The following TBC1D22A variants were observed in gnomAD, a reference collection of about 807,000 sequenced individuals.
TBC1D22A encodes the protein putative GTPase activator.
A neutral mutation model predicts 60.2 loss-of-function variants in TBC1D22A; 38 were observed. The ratio of observed to expected loss-of-function variants is 0.63; its 90% CI spans 0.49 to 0.83. The LOEUF is 0.83. Ranked by LOEUF, TBC1D22A falls within the 40% of genes least tolerant of loss-of-function variation. TBC1D22A has a pLI of 0.00. For missense variants in TBC1D22A, 628 were observed against 701.0 expected, an observed-to-expected ratio of 0.90 and a Z score of 1.18; for synonymous variants, 302 against 281.7, an observed-to-expected ratio of 1.07 and a Z score of -0.72.
intron 9 of TBC1D22A, among the ~76,000 whole-genome samples, chr22:46,991,705 C>T (rs560280828): frequency 6.6e-6 from 1 of 152,312 alleles, no homozygotes; most frequent in South Asian, 2.1e-4. Context: ...CAGTGGCCTC[C>T]ATTTGCATTT....
intron 9 of TBC1D22A, among the ~76,000 whole-genome samples, chr22:46,982,094 T>G (rs1352551270): frequency 6.6e-6 from 1 of 152,130 alleles, no homozygotes; most frequent in Non-Finnish European, 1.5e-5. Context: ...GGCTGGAGCT[T>G]GAGGCTGGGA....
At chr22:47,118,481 G>A (rs2066150859) in intron 12 of TBC1D22A, among the ~76,000 whole-genome samples, 1 of 152,224 alleles carries the variant, frequency 6.6e-6, no homozygotes, top group Non-Finnish European at 1.5e-5. Context: ...GAATGTGCCA[G>A]TGCTGGGCTT....
intron 11 of TBC1D22A, among the ~76,000 whole-genome samples, chr22:47,074,866 G>C (rs1302895623): frequency 6.6e-6 from 1 of 152,208 alleles, no homozygotes; most frequent in Admixed American, 6.5e-5. Flanking sequence ...GTGTTCTTGT[G>C]AGCATCTACT....
chr22:46,847,918 G>GTGTGT (rs2087080009), intron 4 of TBC1D22A, among the ~76,000 whole-genome samples: 3 of 134,138 alleles, frequency 2.2e-5, no homozygotes, highest in African/African-American at 9.7e-5. Flanking sequence ...TACCCTAGTG[G>GTGTGT]GTGTGTGTGT....
At chr22:46,813,341 A>G (rs1329802389) in intron 4 of TBC1D22A, among the ~76,000 whole-genome samples, 1 of 152,182 alleles carries the variant, frequency 6.6e-6, no homozygotes, top group Admixed American at 6.5e-5. Flanking sequence ...TAGCAAAGTC[A>G]TTTTTTGATC....
chr22:46,881,650 C>G (rs901266217), intron 5 of TBC1D22A, among the ~76,000 whole-genome samples: 1 of 152,090 alleles, frequency 6.6e-6, no homozygotes, highest in African/African-American at 2.4e-5. Flanking sequence ...TTGGCAGGCT[C>G]TTGGGAGGGG....
chr22:47,090,146 C>G (rs754835217), intron 11 of TBC1D22A, among the ~76,000 whole-genome samples: 9 of 152,196 alleles, frequency 5.9e-5, no homozygotes, highest in Non-Finnish European at 1.2e-4. Context: ...CAAAGTGGTT[C>G]TCCAGCTCCA....
chr22:47,112,441 G>A (rs2065885233), intron 12 of TBC1D22A, among the ~76,000 whole-genome samples: 2 of 152,200 alleles, frequency 1.3e-5, no homozygotes, highest in Admixed American at 6.5e-5. Flanking sequence ...TAAAGGGACG[G>A]ACCTAGGTCC....
intron 10 of TBC1D22A, among the ~76,000 whole-genome samples, chr22:47,036,356 G>A (rs6009115): frequency 0.1 from 15,148 of 152,184 alleles, 1,945 homozygotes; most frequent in African/African-American, 0.3. Flanking sequence ...GAGTGACACC[G>A]CCAGGACTCA....
chr22:46,816,397 C>A (rs1390312046), intron 4 of TBC1D22A, among the ~76,000 whole-genome samples: 1 of 152,206 alleles, frequency 6.6e-6, no homozygotes, highest in Non-Finnish European at 1.5e-5. Context: ...CTTATCTCAG[C>A]CAAAAACTGT....
intron 10 of TBC1D22A, among the ~76,000 whole-genome samples, chr22:47,034,063 T>G (rs1044926283): frequency 3.9e-5 from 6 of 152,242 alleles, no homozygotes; most frequent in Non-Finnish European, 7.3e-5. Flanking sequence ...TCTCTCCACT[T>G]GCCGCGCTGC....
intron 8 of TBC1D22A, among the ~76,000 whole-genome samples, chr22:46,960,992 A>G (rs1259046613): frequency 7.0e-6 from 1 of 143,242 alleles, no homozygotes; most frequent in Non-Finnish European, 1.5e-5. Context: ...CCCAGTCCGT[A>G]GCTAAGAGGA....
At chr22:46,996,711 A>G (rs935332327) in intron 9 of TBC1D22A, among the ~76,000 whole-genome samples, 1 of 152,230 alleles carries the variant, frequency 6.6e-6, no homozygotes, top group African/African-American at 2.4e-5. Flanking sequence ...GGCAGCCTCC[A>G]TAGGGAATGC....
intron 4 of TBC1D22A, among the ~76,000 whole-genome samples, chr22:46,861,155 G>A (rs1250963313): frequency 6.6e-6 from 1 of 151,810 alleles, no homozygotes; most frequent in Non-Finnish European, 1.5e-5. Flanking sequence ...ATGGAGTTTC[G>A]CCCTCTTGCC....
chr22:46,841,184 G>A (rs1226419719), intron 4 of TBC1D22A, among the ~76,000 whole-genome samples: 3 of 152,176 alleles, frequency 2.0e-5, no homozygotes, highest in African/African-American at 7.2e-5. Flanking sequence ...GTATTCAAAG[G>A]TGGGGCCTAT....
chr22:46,941,584 A>AAC (rs1259203615), intron 8 of TBC1D22A, among the ~76,000 whole-genome samples: 2,491 of 147,466 alleles, frequency 0.017, 129 homozygotes, highest in Non-Finnish European at 0.027. Context: ...ATATACAGGG[A>AAC]ATATATATAC....
intron 7 of TBC1D22A, among the ~76,000 whole-genome samples, chr22:46,898,985 C>A (rs2068835103): frequency 6.6e-6 from 1 of 152,134 alleles, no homozygotes; most frequent in Admixed American, 6.5e-5. Context: ...CTCTCCAGGT[C>A]CCAGTTCAGC....
chr22:46,808,212 G>C (rs1324798384), intron 4 of TBC1D22A, among the ~76,000 whole-genome samples: 1 of 152,120 alleles, frequency 6.6e-6, no homozygotes, highest in Non-Finnish European at 1.5e-5. Flanking sequence ...ACAAAAATTA[G>C]CCGGGCGTGA....
chr22:46,971,941 G>C (rs552280196), intron 8 of TBC1D22A, among the ~76,000 whole-genome samples: 1 of 152,212 alleles, frequency 6.6e-6, no homozygotes, highest in Non-Finnish European at 1.5e-5. Flanking sequence ...GCAGGGAGCC[G>C]GTGGGTGGAC....
Sources: gnomAD v4.1 joint callset for allele counts (sites outside exome capture counted in the v4.1 genomes callset) on GRCh38, gnomAD v4.1.1 for gene constraint, MANE v1.5 for transcripts, NCBI Gene and HGNC (gene_info 2026-07-23, HGNC 2026-07-21) for gene names.